The following KNG1 variants were observed in gnomAD, a reference collection of about 807,000 sequenced individuals.
The protein encoded by KNG1 is kininogen 1, also known as kininogen-1.
Under a neutral mutation model 47.8 loss-of-function variants are expected in KNG1, and 23 were observed. That is an observed-to-expected ratio of 0.48 (90% confidence interval 0.35 to 0.68). The LOEUF (loss-of-function observed/expected upper bound fraction) is 0.68, where lower values mean the gene tolerates loss of function less well. Ranked by LOEUF, KNG1 falls within the 30% of genes least tolerant of loss-of-function variation. KNG1 has a pLI of 0.01. For synonymous variants in KNG1, 277 were observed against 277.0 expected, an observed-to-expected ratio of 1.00 and a Z score of 0.00; for missense variants, 762 against 790.2, an observed-to-expected ratio of 0.96 and a Z score of 0.43.
At chr3:186,739,551 T>A (rs1720754494) in intron 9 of KNG1, 137 bp downstream of exon 9, 1 of 718,004 alleles carries the variant, frequency 1.4e-6, no homozygotes, top group African/African-American at 1.7e-5. Context: ...CTCACACTTC[T>A]GTGCTGATCT....
intron 1 of KNG1, among the ~76,000 whole-genome samples, chr3:186,719,571 T>C (rs1450929637): frequency 6.6e-6 from 1 of 151,700 alleles, no homozygotes; most frequent in Non-Finnish European, 1.5e-5. Context: ...TACTAAAAAA[T>C]ACAAAAAAGT....
Position 186,741,766 on chromosome 3 carries a change from G to C in KNG1, c.1370G>C (p.Arg457Thr). ...CGTGACCAAGGGCATGGGCACCAAA[G>C]AGGACATGGCCTTGGCCATGGACAC... ...HERDQGHGHQ[R>T]GHGLGHGHEQ... is the part of the protein sequence containing the mutation. Residue 457 changes from arginine (R) to threonine (T), a missense_variant, in exon 10 of 10, where the codon AGA (arginine) becomes ACA (threonine). Arg to Thr is a moderately conservative substitution (Grantham distance 71). Coordinates refer to ENST00000644859, the MANE Select transcript of KNG1 (RefSeq NM_001102416.3). 1 of 1,614,202 alleles carries C rather than the reference G, an allele frequency of 6.2e-7. No homozygotes were observed. The highest frequency in any genetic ancestry group is 8.5e-7 in the Non-Finnish European group (1 of 1,180,036).
Position 186,742,485 on chromosome 3 carries a change from C to T in KNG1, c.*154C>T. 1 of 1,467,856 alleles carries T rather than the reference C, an allele frequency of 6.8e-7. No individual in the cohort carries two copies. The highest frequency in any genetic ancestry group is 1.4e-5 in the South Asian group (1 of 71,660). The allele number at this position is 1,467,856 out of a possible 1,614,324, so 90.9% of individuals were successfully genotyped here. A position where few individuals can be genotyped will look rare whatever the true frequency, so the allele number is the denominator to read the frequency against. ...AGTGGTGAGACTCCCAGTGGAGACA[C>T]CATCAGTCTCCACGGACTGCATAAA... On this transcript the variant is annotated 3_prime_UTR_variant, in exon 10 of 10. Coordinates refer to ENST00000644859, the MANE Select transcript of KNG1 (RefSeq NM_001102416.3).
Position 186,742,480 on chromosome 3 carries a change from A to C in KNG1, c.*149A>C, listed in dbSNP as rs918182452. 43 of 1,475,822 alleles carry C rather than the reference A, an allele frequency of 2.9e-5. No individual in the cohort carries two copies. The highest frequency in any genetic ancestry group is 4.5e-6 in the Non-Finnish European group (5 of 1,121,672). 91.4% of individuals were successfully genotyped at this position (1,475,822 alleles called of 1,614,324 possible). On this transcript the variant is annotated 3_prime_UTR_variant, in exon 10 of 10. Transcript: ENST00000644859. Reference sequence around the variant, plus strand: ...AGAGAAGTGGTGAGACTCCCAGTGGAGACACCATCAGTCTCCACGGACTGC... The same window carrying C: ...AGAGAAGTGGTGAGACTCCCAGTGGCGACACCATCAGTCTCCACGGACTGC...
chr3:186,743,050 C>A lies in KNG1; in HGVS notation c.*719C>A. On this transcript the variant is annotated 3_prime_UTR_variant, in exon 10 of 10. Coordinates refer to ENST00000644859, the MANE Select transcript of KNG1 (RefSeq NM_001102416.3). ...CAAATAAATACTCCCACTGCCCTTTCTGAGTGAGAGTGTTTCTCATAAGTC... is the reference window on the plus strand; with the variant it reads ...CAAATAAATACTCCCACTGCCCTTTATGAGTGAGAGTGTTTCTCATAAGTC... The A allele has an allele frequency of 1.5e-6, 1 of 665,796 alleles. No homozygotes were observed. Among genetic ancestry groups the A allele is most frequent in the Non-Finnish European group, 1.9e-6 (1 of 537,966 alleles). The allele number at this position is 665,796 out of a possible 1,614,324, so 41.2% of individuals were successfully genotyped here. A position where few individuals can be genotyped will look rare whatever the true frequency, so the allele number is the denominator to read the frequency against.
At chr3:186,720,293 T>C (rs1396054889) in intron 2 of KNG1, 78 bp downstream of exon 2, 3 of 855,816 alleles carry the variant, frequency 3.5e-6, no homozygotes, top group South Asian at 1.4e-5. Flanking sequence ...GCAGAAATGA[T>C]GGCTACTGGT....
At chr3:186,727,397 G>A in intron 5 of KNG1, 53 bp downstream of exon 5, 1 of 1,174,886 alleles carries the variant, frequency 8.5e-7, no homozygotes. Context: ...TTTACATTTT[G>A]TGGTAACTAT....
At chr3:186,737,978 AT>A (rs1237742412) in intron 7 of KNG1, among the ~76,000 whole-genome samples, 3 of 147,660 alleles carry the variant, frequency 2.0e-5, no homozygotes, top group Non-Finnish European at 3.0e-5. Context: ...GATTAAAATA[AT>A]TTTTTTTTCT....
At chr3:186,729,617 C>T (rs1232206671) in intron 5 of KNG1, among the ~76,000 whole-genome samples, 2 of 151,570 alleles carry the variant, frequency 1.3e-5, no homozygotes, top group Non-Finnish European at 2.9e-5. Flanking sequence ...TATAAAACAC[C>T]TAGAATAGGC....
rs1293913496 is a variant in KNG1 at position 186,717,508 on chromosome 3, C to T, written c.-35C>T. ...AGTTGGCTCTTGATTCTTGGTGAAA[C>T]CATCCCTCAGCTCCTAGAGGGAGAT... On this transcript the variant is annotated 5_prime_UTR_variant, in exon 1 of 10. Coordinates refer to ENST00000644859, the MANE Select transcript of KNG1 (RefSeq NM_001102416.3). 13 of 1,498,612 alleles carry T rather than the reference C, an allele frequency of 8.7e-6. No individual in the cohort carries two copies. Among genetic ancestry groups the T allele is most frequent in the South Asian group, 1.1e-5 (1 of 88,512 alleles). 92.8% of individuals were successfully genotyped at this position (1,498,612 alleles called of 1,614,324 possible). A position where few individuals can be genotyped will look rare whatever the true frequency, so the allele number is the denominator to read the frequency against.
At position 186,727,311 on chromosome 3, in the gene KNG1, C is replaced by G. The variant is rs1241374733; in HGVS notation, c.639C>G (p.Phe213Leu). Residue 213 changes from phenylalanine (F) to leucine (L), a missense_variant, in exon 5 of 10, where the codon TTC (phenylalanine) becomes TTG (leucine). Transcript: ENST00000644859. ...QTNCSKENFL[F>L]LTPDCKSLWN... ...ATTGTTCCAAAGAGAATTTTCTGTT[C>G]TTAACTCCAGACTGCAAGTCCCTTT... 2 of 1,613,236 alleles carry G rather than the reference C, an allele frequency of 1.2e-6. No individual in the cohort carries two copies. Among genetic ancestry groups the G allele is most frequent in the African/African-American group, 2.7e-5 (2 of 74,876 alleles).
chr3:186,723,215 G>A (rs1274306945), intron 3 of KNG1, among the ~76,000 whole-genome samples: 2 of 151,824 alleles, frequency 1.3e-5, no homozygotes, highest in African/African-American at 4.8e-5. Flanking sequence ...ATTAAGTCAG[G>A]GTATTTGGGG....
At position 186,732,597 on chromosome 3, in the gene KNG1, A is replaced by C. The variant is rs770915567; in HGVS notation, c.853A>C (p.Thr285Pro). Residue 285 changes from threonine (T) to proline (P), a missense_variant, in exon 7 of 10, where the codon ACC becomes CCC. By Grantham distance (38) the Thr-to-Pro change is conservative (BLOSUM62 -1). Transcript: ENST00000644859. ...SPELEETLTHTITKLNAENNA... is the reference protein window; with the variant it reads ...SPELEETLTHPITKLNAENNA... ...AGAGCTGGAGGAGACACTGACTCACACCATCACAAAGCTTAATGCAGAGAA... is the reference window on the plus strand; with the variant it reads ...AGAGCTGGAGGAGACACTGACTCACCCCATCACAAAGCTTAATGCAGAGAA... The C allele has an allele frequency of 6.2e-7, 1 of 1,614,058 alleles. No individual in the cohort carries two copies. Among genetic ancestry groups the C allele is most frequent in the East Asian group, 2.2e-5 (1 of 44,880 alleles).
At chr3:186,732,832 T>C (rs771815807) in intron 7 of KNG1, among the ~76,000 whole-genome samples, 158 bp downstream of exon 7, 2 of 152,260 alleles carry the variant, frequency 1.3e-5, no homozygotes, top group African/African-American at 2.4e-5. Context: ...TCTCCCTGTA[T>C]GCTTCATCCC....
Position 186,733,181 on chromosome 3 carries a change from G to C in KNG1, c.930+507G>C, listed in dbSNP as rs555942037. 2.2e-3 allele frequency among the ~76,000 whole-genome samples: 331 copies of C among 152,238 alleles called. 1 individual carries two copies. The highest frequency in any genetic ancestry group is 7.6e-3 in the African/African-American group (317 of 41,546). Reference sequence around the variant, plus strand: ...GAATCGCTTGAACCTGGGAGGCAGAGGTTGCAGTGAGCCGAGATTGCGCCA... The same window carrying C: ...GAATCGCTTGAACCTGGGAGGCAGACGTTGCAGTGAGCCGAGATTGCGCCA... On this transcript the variant is annotated intron_variant, in intron 7 of 9. Coordinates refer to ENST00000644859, the MANE Select transcript of KNG1 (RefSeq NM_001102416.3).
At position 186,725,543 on chromosome 3, in the gene KNG1, A is replaced by ATTTTTT. The variant is rs71167003; in HGVS notation, c.564+297_564+302dup. On this transcript the variant is annotated intron_variant, in intron 4 of 9. Transcript: ENST00000644859. The stretch of plus-strand genomic sequence containing the variant: ...AAGGAAAAGTCATACCGGCCTTAGG[A>ATTTTTT]TTTTTTTTTTTTTTTTTTTGAGACA... 1.0e-4 allele frequency among the ~76,000 whole-genome samples: 9 copies of ATTTTTT among 87,716 alleles called. 1 individual carries two copies. Among genetic ancestry groups the ATTTTTT allele is most frequent in the Admixed American group, 3.0e-4 (2 of 6,632 alleles). 57.5% of individuals were successfully genotyped at this position (87,716 alleles called of 152,430 possible). A position where few individuals can be genotyped will look rare whatever the true frequency, so the allele number is the denominator to read the frequency against.
intron 9 of KNG1, among the ~76,000 whole-genome samples, chr3:186,739,621 G>A (rs1486576265): frequency 1.3e-5 from 2 of 152,212 alleles, no homozygotes; most frequent in Admixed American, 6.5e-5. Context: ...CACATTGTCA[G>A]TGTCTCAGTG....
intron 1 of KNG1, among the ~76,000 whole-genome samples, chr3:186,719,325 A>G (rs537289677): frequency 1.6e-4 from 24 of 152,360 alleles, no homozygotes; most frequent in African/African-American, 5.8e-4. Context: ...AAGTACTAAA[A>G]TCACCCATAA....
At chr3:186,736,171 A>C (rs1478821434) in intron 7 of KNG1, 2 of 152,222 alleles carry the variant, frequency 1.3e-5, no homozygotes, top group Non-Finnish European at 2.9e-5. Flanking sequence ...CTGCCAAGTC[A>C]ATCTGAATAT....
Sources: gnomAD v4.1 joint callset for allele counts (sites outside exome capture counted in the v4.1 genomes callset) on GRCh38, gnomAD v4.1.1 for gene constraint, MANE v1.5 for transcripts, NCBI Gene and HGNC (gene_info 2026-07-23, HGNC 2026-07-21) for gene names.